The following ROBO2 variants were observed in gnomAD, a reference collection of about 807,000 sequenced individuals.
The protein encoded by ROBO2 is roundabout homolog 2.
ROBO2 carries 53 observed loss-of-function variants against 160.8 expected under a neutral mutation model. The observed-to-expected ratio is 0.33, with a 90% CI of 0.26 to 0.41. The LOEUF (loss-of-function observed/expected upper bound fraction) is 0.41. ROBO2 is among the 10% of genes least tolerant of loss of function. The probability of loss-of-function intolerance (pLI) is 1.00; values close to 1 mark genes in which losing one functional copy is unlikely to be tolerated. For synonymous variants in ROBO2, 664 were observed against 611.7 expected (o/e 1.09, Z -1.26); for missense variants, 1,577 against 1,722.4 (o/e 0.92, Z 1.49).
At position 76,638,378 on chromosome 3, in the gene ROBO2, G is replaced by C. The variant is rs368357466; in HGVS notation, c.110-459636G>C. On this transcript the variant is annotated intron_variant, in intron 2 of 26. Coordinates refer to the ROBO2 transcript ENST00000487694. ...GCAAAATAATTCCAAAGAAAGAATTGGTGGTCAATAATTCAAAGTAATATA... is the reference window on the plus strand; with the variant it reads ...GCAAAATAATTCCAAAGAAAGAATTCGTGGTCAATAATTCAAAGTAATATA... Among the ~76,000 whole-genome samples, 6 of 152,180 alleles carry C rather than the reference G, an allele frequency of 3.9e-5. No individual in the cohort carries two copies. The East Asian group carries it at 1.2e-3, about 29-fold the overall frequency.
intron 2 of ROBO2, among the ~76,000 whole-genome samples, chr3:76,379,037 G>T (rs933282690): frequency 6.6e-6 from 1 of 152,122 alleles, no homozygotes. Flanking sequence ...TATCAGCATT[G>T]CTTAGACTGT....
intron 2 of ROBO2, among the ~76,000 whole-genome samples, chr3:76,929,247 G>A (rs767392728): frequency 6.6e-6 from 1 of 152,062 alleles, no homozygotes; most frequent in Non-Finnish European, 1.5e-5. Flanking sequence ...ATGATGGAGC[G>A]AGACTCCATC....
intron 2 of ROBO2, among the ~76,000 whole-genome samples, chr3:76,747,283 A>T (rs6797364): frequency 1.3e-5 from 2 of 152,098 alleles, no homozygotes; most frequent in South Asian, 4.1e-4. Flanking sequence ...AAAATTTCAT[A>T]TAACTTTTTA....
intron 2 of ROBO2, among the ~76,000 whole-genome samples, chr3:77,246,327 A>ATGTGTATG (rs2089719014): frequency 6.9e-6 from 1 of 145,732 alleles, no homozygotes; most frequent in African/African-American, 2.6e-5. Flanking sequence ...GTGTATGTGT[A>ATGTGTATG]TGTGTGTGTG....
chr3:77,602,665 C>CCACCAG (rs1278754033), intron 20 of ROBO2, among the ~76,000 whole-genome samples, 174 bp downstream of exon 21: 1 of 144,704 alleles, frequency 6.9e-6, no homozygotes, highest in Non-Finnish European at 1.5e-5. Flanking sequence ...ACCACCGCCA[C>CCACCAG]CACCACCACC....
At chr3:76,226,759 T>C (rs1289646459) in intron 2 of ROBO2, among the ~76,000 whole-genome samples, 1 of 152,184 alleles carries the variant, frequency 6.6e-6, no homozygotes, top group Non-Finnish European at 1.5e-5. Flanking sequence ...CCACTTGCCC[T>C]AGGCCCTAAT....
chr3:76,071,793 A>G (rs1238509541), intron 2 of ROBO2, among the ~76,000 whole-genome samples: 1 of 151,770 alleles, frequency 6.6e-6, no homozygotes, highest in Non-Finnish European at 1.5e-5. Flanking sequence ...TTTAATGATT[A>G]TAATCTTATT....
At chr3:77,112,505 A>G (rs556288597) in intron 2 of ROBO2, among the ~76,000 whole-genome samples, 16 of 152,098 alleles carry the variant, frequency 1.1e-4, no homozygotes, top group African/African-American at 3.9e-4. Context: ...CGGCCTCCCA[A>G]AGTGCTGGGA....
At chr3:77,292,080 T>G (rs1300112459) in intron 2 of ROBO2, among the ~76,000 whole-genome samples, 4 of 149,090 alleles carry the variant, frequency 2.7e-5, no homozygotes, top group African/African-American at 9.9e-5. Flanking sequence ...ACCCCAGACA[T>G]AAAGTAAAAT....
At chr3:77,327,004 A>G (rs1171111465) in intron 2 of ROBO2, among the ~76,000 whole-genome samples, 1 of 152,240 alleles carries the variant, frequency 6.6e-6, no homozygotes, top group Non-Finnish European at 1.5e-5. Context: ...ACTTCATATA[A>G]TATTAATAAA....
At chr3:76,575,086 C>T (rs1343901340) in intron 2 of ROBO2, among the ~76,000 whole-genome samples, 1 of 152,008 alleles carries the variant, frequency 6.6e-6, no homozygotes, top group Non-Finnish European at 1.5e-5. Context: ...TTTTGGAAAA[C>T]ATCCAAAAAA....
At chr3:76,609,730 C>T (rs1300491540) in intron 2 of ROBO2, among the ~76,000 whole-genome samples, 1 of 152,092 alleles carries the variant, frequency 6.6e-6, no homozygotes. Context: ...TCTCTGATTG[C>T]TTTAGCTAGG....
chr3:76,221,256 G>A (rs1703946109), intron 2 of ROBO2, among the ~76,000 whole-genome samples: 1 of 152,060 alleles, frequency 6.6e-6, no homozygotes, highest in South Asian at 2.1e-4. Context: ...CAGGGTGATG[G>A]TGAGTAGTGC....
At chr3:77,117,206 G>T (rs940342708) in intron 2 of ROBO2, among the ~76,000 whole-genome samples, 1 of 151,890 alleles carries the variant, frequency 6.6e-6, no homozygotes, top group Admixed American at 6.6e-5. Flanking sequence ...TAGTTACTTG[G>T]AATTATTTTG....
chr3:77,274,417 T>C (rs1168266307), intron 2 of ROBO2, among the ~76,000 whole-genome samples: 1 of 152,168 alleles, frequency 6.6e-6, no homozygotes. Flanking sequence ...TTTATATTTA[T>C]TCATGAATAT....
chr3:77,537,917 C>T (rs766802099), intron 6 of ROBO2, among the ~76,000 whole-genome samples: 1 of 152,048 alleles, frequency 6.6e-6, no homozygotes. Flanking sequence ...CCACCGGGTC[C>T]CTCCCAAGAC....
intron 2 of ROBO2, among the ~76,000 whole-genome samples, chr3:76,122,724 T>G (rs1253176031): frequency 6.6e-6 from 1 of 152,180 alleles, no homozygotes; most frequent in Non-Finnish European, 1.5e-5. Flanking sequence ...TATTTATCTG[T>G]TTCTCCCTAC....
chr3:76,978,642 A>C (rs1173679357), intron 2 of ROBO2, among the ~76,000 whole-genome samples: 2 of 152,030 alleles, frequency 1.3e-5, no homozygotes, highest in Non-Finnish European at 2.9e-5. Context: ...GCTCTGAAAA[A>C]CCAAGTTGTC....
intron 1 of ROBO2, among the ~76,000 whole-genome samples, chr3:77,083,498 T>A (rs56090636): frequency 0.16 from 24,357 of 152,082 alleles, 4,141 homozygotes; most frequent in African/African-American, 0.43. Context: ...CAAAATCCGT[T>A]TGCATTTTTT....
Sources: allele counts gnomAD v4.1 joint callset (sites outside exome capture counted in the v4.1 genomes callset), GRCh38; gene constraint gnomAD v4.1.1; transcripts MANE v1.5; gene names NCBI Gene and HGNC (gene_info 2026-07-23, HGNC 2026-07-21).